The following CAMKMT variants were observed in gnomAD, a reference collection of about 807,000 sequenced individuals.
The protein encoded by CAMKMT is calmodulin-lysine N-methyltransferase.
A neutral mutation model predicts 48.0 loss-of-function variants in CAMKMT; 53 were observed. That is an observed-to-expected ratio of 1.10 (90% CI 0.89 to 1.39). The LOEUF (loss-of-function observed/expected upper bound fraction) is 1.39, where lower values mean the gene tolerates loss of function less well. CAMKMT is among the 40% of genes most tolerant of loss of function. The pLI, the probability that CAMKMT is intolerant of heterozygous loss-of-function variation, is 0.00. For synonymous variants in CAMKMT, 165 were observed against 152.3 expected, an observed-to-expected ratio of 1.08 and a Z score of -0.61; for missense variants, 428 against 402.7, an observed-to-expected ratio of 1.06 and a Z score of -0.54.
chr2:44,562,324 A>T (rs942998251), intron 3 of CAMKMT, among the ~76,000 whole-genome samples: 17 of 152,094 alleles, frequency 1.1e-4, no homozygotes, highest in African/African-American at 3.6e-4. Flanking sequence ...TTCTTTTCTA[A>T]TCCATTTGCT....
intron 3 of CAMKMT, among the ~76,000 whole-genome samples, chr2:44,421,135 A>T (rs770865679): frequency 6.6e-6 from 1 of 152,172 alleles, no homozygotes; most frequent in Admixed American, 6.5e-5. Flanking sequence ...TTTCAAAACC[A>T]TGGAAAATAG....
intron 3 of CAMKMT, among the ~76,000 whole-genome samples, chr2:44,583,122 A>G (rs1669653998): frequency 6.6e-6 from 1 of 152,164 alleles, no homozygotes. Flanking sequence ...CTATTTTAGT[A>G]TTTCCTGCAT....
chr2:44,702,614 A>G (rs993894435), intron 3 of CAMKMT, among the ~76,000 whole-genome samples: 7 of 152,178 alleles, frequency 4.6e-5, no homozygotes, highest in African/African-American at 7.2e-5. Context: ...CTGGAGCCCA[A>G]TAAGTCTGGT....
intron 7 of CAMKMT, among the ~76,000 whole-genome samples, chr2:44,727,332 T>C (rs1678846205): frequency 6.6e-6 from 1 of 152,210 alleles, no homozygotes; most frequent in Non-Finnish European, 1.5e-5. Flanking sequence ...AGAGATCTTC[T>C]ACCTCCTTGG....
intron 3 of CAMKMT, among the ~76,000 whole-genome samples, chr2:44,517,059 T>G (rs1196351957): frequency 6.6e-6 from 1 of 152,158 alleles, no homozygotes; most frequent in Non-Finnish European, 1.5e-5. Context: ...TTTGAAGAGC[T>G]TGAATCATCA....
chr2:44,584,493 A>T (rs6544762), intron 3 of CAMKMT, among the ~76,000 whole-genome samples: 95,531 of 152,078 alleles, frequency 0.63, 30,507 homozygotes, highest in Admixed American at 0.69. Context: ...TGGATAATAT[A>T]AAATGCTTCC....
chr2:44,764,011 C>A (rs1283625807), intron 9 of CAMKMT, among the ~76,000 whole-genome samples: 2 of 152,090 alleles, frequency 1.3e-5, no homozygotes, highest in Admixed American at 1.3e-4. Flanking sequence ...ACTAAAATGA[C>A]CTACCAGCAT....
At position 44,752,327 on chromosome 2, in the gene CAMKMT, G is replaced by A. The variant is rs192885237; in HGVS notation, c.699-1728G>A. On this transcript the variant is annotated intron_variant, in intron 8 of 10. Coordinates refer to ENST00000378494, the MANE Select transcript of CAMKMT (RefSeq NM_024766.5). The stretch of plus-strand genomic sequence containing the variant: ...TTGCACCAACATAATATCAGATCAC[G>A]TATCCCAATATGGGGTTCAGAAAAA... 9.2e-3 allele frequency among the ~76,000 whole-genome samples: 1,392 copies of A among 151,726 alleles called. 62 individuals carry two copies. Among genetic ancestry groups the A allele is most frequent in the Admixed American group, 0.08 (1,229 of 15,274 alleles).
chr2:44,409,106 T>TTGCTAC (rs1682994778), intron 3 of CAMKMT, among the ~76,000 whole-genome samples: 2 of 3,380 alleles, frequency 5.9e-4, no homozygotes, highest in African/African-American at 2.3e-3. Flanking sequence ...TATATATATA[T>TTGCTAC]ATATATATAT....
At chr2:44,536,328 T>A (rs1572740125) in intron 3 of CAMKMT, among the ~76,000 whole-genome samples, 1 of 138,880 alleles carries the variant, frequency 7.2e-6, no homozygotes, top group South Asian at 2.3e-4. Flanking sequence ...AAATACCAAC[T>A]TTTTTTTTTT....
chr2:44,715,456 G>A, intron 7 of CAMKMT, 103 bp downstream of exon 7: 1 of 811,300 alleles, frequency 1.2e-6, no homozygotes, highest in Non-Finnish European at 2.0e-6. Context: ...TTGAGCACCT[G>A]CTGTGTGTCA....
At chr2:44,427,022 C>G (rs774622433) in intron 3 of CAMKMT, among the ~76,000 whole-genome samples, 23 of 152,024 alleles carry the variant, frequency 1.5e-4, no homozygotes, top group Admixed American at 2.6e-4. Context: ...AAGCCATATA[C>G]CTACAACCAA....
chr2:44,522,156 A>G (rs936560668), intron 3 of CAMKMT, among the ~76,000 whole-genome samples: 5 of 151,988 alleles, frequency 3.3e-5, no homozygotes, highest in Admixed American at 1.3e-4. Context: ...GGCACATGCC[A>G]CCACTCCTGG....
At chr2:44,759,034 A>C (rs1680501789) in intron 9 of CAMKMT, among the ~76,000 whole-genome samples, 1 of 151,876 alleles carries the variant, frequency 6.6e-6, no homozygotes. Flanking sequence ...CCTTCTTCAG[A>C]AATTGGCCCT....
chr2:44,591,257 G>T (rs1371453823), intron 3 of CAMKMT, among the ~76,000 whole-genome samples: 1 of 151,964 alleles, frequency 6.6e-6, no homozygotes, highest in Admixed American at 6.6e-5. Flanking sequence ...GGTTCCATAT[G>T]AACTTTAAAG....
At chr2:44,538,862 A>G (rs538081158) in intron 3 of CAMKMT, among the ~76,000 whole-genome samples, 1 of 151,988 alleles carries the variant, frequency 6.6e-6, no homozygotes, top group South Asian at 2.1e-4. Context: ...TAATAATACC[A>G]ATTATTACAT....
chr2:44,611,747 C>T (rs1309157080), intron 3 of CAMKMT, among the ~76,000 whole-genome samples: 2 of 151,680 alleles, frequency 1.3e-5, no homozygotes, highest in South Asian at 2.1e-4. Flanking sequence ...AGCATGGTGC[C>T]GGCATCTGCT....
Position 44,689,233 on chromosome 2 carries a change from G to A in CAMKMT, c.377-15050G>A, listed in dbSNP as rs192906809. 1.1e-4 allele frequency among the ~76,000 whole-genome samples: 17 copies of A among 151,846 alleles called. No individual in the cohort carries two copies. In the East Asian group the frequency reaches 2.9e-3, roughly 26 times the overall value. On this transcript the variant is annotated intron_variant, in intron 3 of 10. Coordinates refer to ENST00000378494, the MANE Select transcript of CAMKMT (RefSeq NM_024766.5). ...TCCATTGGCACATTGCTGCTCTTAC[G>A]TGCCTTTTCAAGACATGACCCAGCA... is the stretch of plus-strand genomic sequence containing the variant.
intron 3 of CAMKMT, chr2:44,401,190 G>A (rs1231789629): frequency 1.3e-5 from 2 of 152,092 alleles, no homozygotes; most frequent in Non-Finnish European, 2.9e-5. Context: ...AAATATCTCA[G>A]TATCTGATGC....
Sources: gnomAD v4.1 joint callset for allele counts (sites outside exome capture counted in the v4.1 genomes callset) on GRCh38, gnomAD v4.1.1 for gene constraint, MANE v1.5 for transcripts, NCBI Gene and HGNC (gene_info 2026-07-23, HGNC 2026-07-21) for gene names.